CDYL: variants seen among roughly 807,000 people sequenced by gnomAD.
CDYL encodes the protein chromodomain Y like.
Under a neutral mutation model 47.3 loss-of-function variants are expected in CDYL, and 8 were observed. That is an observed-to-expected ratio of 0.17 (90% CI 0.10 to 0.31). The LOEUF (loss-of-function observed/expected upper bound fraction) is 0.31, where lower values mean the gene tolerates loss of function less well. Among genes scored for constraint, CDYL ranks in the 10% least tolerant of loss-of-function variants. The pLI is 1.00. For synonymous variants in CDYL, 266 were observed against 265.0 expected, an observed-to-expected ratio of 1.00 and a Z score of -0.04; for missense variants, 471 against 701.4, an observed-to-expected ratio of 0.67 and a Z score of 3.71.
chr6:4,816,964 T>G (rs1350101792), intron 1 of CDYL, among the ~76,000 whole-genome samples: 1 of 152,230 alleles, frequency 6.6e-6, no homozygotes, highest in Non-Finnish European at 1.5e-5. Flanking sequence ...CCAATTCTCA[T>G]ATACCCACCT....
intron 1 of CDYL, among the ~76,000 whole-genome samples, chr6:4,817,716 G>T (rs983856875): frequency 1.3e-5 from 2 of 152,102 alleles, no homozygotes; most frequent in African/African-American, 4.8e-5. Flanking sequence ...ATGACTCATC[G>T]TGACTTCCAA....
intron 3 of CDYL, among the ~76,000 whole-genome samples, chr6:4,742,681 G>A (rs1457816209): frequency 2.0e-5 from 3 of 152,248 alleles, no homozygotes; most frequent in African/African-American, 7.2e-5. Flanking sequence ...TCCCTTTGGG[G>A]GCAGAGAAGG....
At chr6:4,713,110 G>A (rs1198089244) in intron 1 of CDYL, among the ~76,000 whole-genome samples, 1 of 152,208 alleles carries the variant, frequency 6.6e-6, no homozygotes, top group Non-Finnish European at 1.5e-5. Flanking sequence ...ACATGAGGGG[G>A]TCGAGCAAAA....
intron 3 of CDYL, among the ~76,000 whole-genome samples, chr6:4,754,726 AT>A (rs1938507314): frequency 6.6e-6 from 1 of 152,172 alleles, no homozygotes; most frequent in South Asian, 2.1e-4. Flanking sequence ...GACCCTTCCT[AT>A]TTGTTAAATT....
intron 1 of CDYL, 106 bp downstream of exon 1, chr6:4,776,913 C>T (rs1159209767): frequency 3.5e-5 from 13 of 376,124 alleles, no homozygotes; most frequent in East Asian, 1.6e-4. Context: ...GCCGCGTCCC[C>T]TCCCCCGCCG....
chr6:4,890,485 A>G (rs1762012531), intron 1 of CDYL, among the ~76,000 whole-genome samples: 1 of 152,188 alleles, frequency 6.6e-6, no homozygotes, highest in Non-Finnish European at 1.5e-5. Context: ...CTCAGAAGCA[A>G]TAATATGTAT....
intron 2 of CDYL, among the ~76,000 whole-genome samples, chr6:4,725,508 C>T (rs1308992996): frequency 6.6e-6 from 1 of 152,208 alleles, no homozygotes; most frequent in East Asian, 1.9e-4. Flanking sequence ...TAAGGCCCGG[C>T]GAGAAGTCGA....
chr6:4,864,048 G>A (rs1316551079), intron 1 of CDYL, among the ~76,000 whole-genome samples: 7 of 152,220 alleles, frequency 4.6e-5, no homozygotes, highest in African/African-American at 1.7e-4. Flanking sequence ...GAGATCGCCT[G>A]AGGGTCTGTA....
Position 4,853,537 on chromosome 6 carries a change from T to C in CDYL, c.25-38176T>C, listed in dbSNP as rs559868226. On this transcript the variant is annotated intron_variant, in intron 1 of 6. Coordinates refer to ENST00000397588, the MANE Select transcript of CDYL (RefSeq NM_004824.4). ...TCCTCCCTTCCTCTCCCATTTTTAG[T>C]ACCAAGGATAGCTCTTAAAGTATCT... is the stretch of plus-strand genomic sequence containing the variant. 3.9e-5 allele frequency among the ~76,000 whole-genome samples: 6 copies of C among 152,280 alleles called. No homozygotes were observed. The South Asian group carries it at 8.3e-4, about 21-fold the overall frequency.
At chr6:4,736,893 A>G (rs1315438847) in intron 3 of CDYL, among the ~76,000 whole-genome samples, 1 of 152,234 alleles carries the variant, frequency 6.6e-6, no homozygotes, top group Non-Finnish European at 1.5e-5. Flanking sequence ...GTTTATCGAT[A>G]TAGTGGTAAA....
intron 3 of CDYL, among the ~76,000 whole-genome samples, chr6:4,771,312 C>G (rs1400716472): frequency 6.6e-6 from 1 of 152,122 alleles, no homozygotes; most frequent in South Asian, 2.1e-4. Context: ...TGGGGTTTCA[C>G]CATGTTGGCC....
At chr6:4,802,277 C>T (rs1212620521) in intron 1 of CDYL, among the ~76,000 whole-genome samples, 1 of 152,110 alleles carries the variant, frequency 6.6e-6, no homozygotes, top group Non-Finnish European at 1.5e-5. Context: ...GTGGTACACA[C>T]CTGTAATTCC....
At chr6:4,943,336 C>T (rs1188493698) in intron 4 of CDYL, among the ~76,000 whole-genome samples, 1 of 152,192 alleles carries the variant, frequency 6.6e-6, no homozygotes, top group Non-Finnish European at 1.5e-5. Flanking sequence ...ACAGCCACTA[C>T]ATGCGTGGGC....
At chr6:4,752,862 A>G (rs751242529) in intron 3 of CDYL, among the ~76,000 whole-genome samples, 20 of 139,896 alleles carry the variant, frequency 1.4e-4, no homozygotes, top group Non-Finnish European at 2.9e-4. Context: ...GTGTGTTTGT[A>G]GATAGGTAGG....
At chr6:4,707,809 CTT>C (rs1561816285) in intron 1 of CDYL, among the ~76,000 whole-genome samples, 1 of 152,012 alleles carries the variant, frequency 6.6e-6, no homozygotes, top group Non-Finnish European at 1.5e-5. Flanking sequence ...TTGTTTTTAA[CTT>C]TTTTGTTAAT....
intron 1 of CDYL, among the ~76,000 whole-genome samples, chr6:4,854,755 C>T (rs1441934739): frequency 1.3e-5 from 2 of 152,174 alleles, no homozygotes; most frequent in Non-Finnish European, 2.9e-5. Context: ...AGTCAGCCCC[C>T]AGGGTGACGT....
chr6:4,856,378 C>A (rs151130690), intron 1 of CDYL, among the ~76,000 whole-genome samples: 1 of 152,234 alleles, frequency 6.6e-6, no homozygotes, highest in African/African-American at 2.4e-5. Context: ...TAATTGCAGA[C>A]AGGACTTTGT....
chr6:4,753,413 G>A (rs1358307342), intron 3 of CDYL, among the ~76,000 whole-genome samples: 3 of 152,140 alleles, frequency 2.0e-5, no homozygotes, highest in Admixed American at 2.0e-4. Flanking sequence ...TCTCACTAGA[G>A]AATACAGCTT....
chr6:4,802,237 G>GAA (rs112012887), intron 1 of CDYL, among the ~76,000 whole-genome samples: 1 of 150,006 alleles, frequency 6.7e-6, no homozygotes, highest in Admixed American at 6.6e-5. Flanking sequence ...TTAGATCATT[G>GAA]AAAAAAAAAT....
Sources: allele counts gnomAD v4.1 joint callset (sites outside exome capture counted in the v4.1 genomes callset), GRCh38; gene constraint gnomAD v4.1.1; transcripts MANE v1.5; gene names NCBI Gene and HGNC (gene_info 2026-07-23, HGNC 2026-07-21).